CLCN6: variants seen among roughly 807,000 people sequenced by gnomAD.
CLCN6 encodes the protein H(+)/Cl(-) exchange transporter 6.
CLCN6 carries 70 observed loss-of-function variants against 109.8 expected under a neutral mutation model. That is an observed-to-expected ratio of 0.64 (90% CI 0.53 to 0.78). The LOEUF (loss-of-function observed/expected upper bound fraction) is 0.78, where lower values mean the gene tolerates loss of function less well. Among genes scored for constraint, CLCN6 ranks in the 30% least tolerant of loss-of-function variants. The pLI is 0.00. For synonymous variants in CLCN6, 444 were observed against 447.8 expected (o/e 0.99, Z 0.11); for missense variants, 984 against 1,142.3 (o/e 0.86, Z 2.00).
intron 10 of CLCN6, 98 bp from the exon 11 acceptor site, chr1:11,828,008 G>A: frequency 1.2e-6 from 1 of 851,770 alleles, no homozygotes; most frequent in Middle Eastern, 2.3e-4. Context: ...AGATTCCGGA[G>A]GTCTCTGCGT....
chr1:11,838,705 C>T (rs1190387489), intron 22 of CLCN6, 45 bp downstream of exon 22: 3 of 1,614,098 alleles, frequency 1.9e-6, no homozygotes, highest in Non-Finnish European at 2.5e-6. Context: ...GAGAGGATCC[C>T]CTAGCCAGGT....
intron 5 of CLCN6, chr1:11,820,623 T>C (rs902657606): frequency 1.3e-5 from 5 of 376,928 alleles, no homozygotes; most frequent in Non-Finnish European, 2.5e-5. Context: ...AAAAATTAGC[T>C]GGGCGTGGCG....
At chr1:11,833,750 A>G (rs549252393) in intron 14 of CLCN6, 112 bp downstream of exon 14, 4 of 1,565,718 alleles carry the variant, frequency 2.6e-6, no homozygotes, top group African/African-American at 2.7e-5. Context: ...GCCCACCCAG[A>G]CAAAAGATTG....
intron 22 of CLCN6, among the ~76,000 whole-genome samples, chr1:11,839,747 G>A (rs975115934): frequency 2.0e-5 from 3 of 152,232 alleles, no homozygotes; most frequent in East Asian, 1.9e-4. Context: ...CCACTGTAAC[G>A]ACCTGTAACA....
In CLCN6 at chr1:11,837,634, G is replaced by A. The variant is rs1170992129; in HGVS notation, c.2295+135G>A. 7.0e-6 allele frequency: 6 copies of A among 856,038 alleles called. No individual in the cohort carries two copies. In the East Asian group the frequency reaches 1.1e-4, roughly 15 times the overall value. 53.0% of individuals were successfully genotyped at this position (856,038 alleles called of 1,614,324 possible). ...CGAGAAGTGCAGAGTGGACTTAGGGGAGGAGTCGCCACAGCCGGGTGGTGA... is the reference window on the plus strand; with the variant it reads ...CGAGAAGTGCAGAGTGGACTTAGGGAAGGAGTCGCCACAGCCGGGTGGTGA... On this transcript the variant is annotated intron_variant, in intron 20 of 22. Coordinates refer to ENST00000346436, the MANE Select transcript of CLCN6 (RefSeq NM_001286.5).
chr1:11,838,556 C>T lies in CLCN6; in HGVS notation c.2425C>T (p.Pro809Ser), dbSNP rs749293199. The part of the protein sequence containing the change: ...MIVDVTPYMN[P>S]SPFTVSPNTH... ...GCAGGATGTCACCCCATACATGAAC[C>T]CTTCGCCTTTCACCGTCTCGCCCAA... The change falls in exon 22 of 23, where the codon CCT (proline) becomes TCT (serine). Residue 809 changes from proline to serine, a missense_variant. Coordinates refer to ENST00000346436, the MANE Select transcript of CLCN6 (RefSeq NM_001286.5). 2 of 1,611,300 alleles carry T rather than the reference C, an allele frequency of 1.2e-6. No homozygotes were observed. Among genetic ancestry groups the T allele is most frequent in the South Asian group, 1.1e-5 (1 of 91,010 alleles).
At position 11,838,812 on chromosome 1, in the gene CLCN6, C is replaced by T. The variant is rs551894492; in HGVS notation, c.2529+152C>T. 285 of 1,152,980 alleles carry T rather than the reference C, an allele frequency of 2.5e-4. No homozygotes were observed. The African/African-American group carries it at 2.9e-3, about 12-fold the overall frequency. The allele number at this position is 1,152,980 out of a possible 1,614,324, so 71.4% of individuals were successfully genotyped here. On this transcript the variant is annotated intron_variant, in intron 22 of 22. Transcript: ENST00000346436. ...CTAGCTTTGAACCCTGCTCGGCTTCCGTGCACTCGGGACCCTTTCCCCTGC... is the reference window on the plus strand; with the variant it reads ...CTAGCTTTGAACCCTGCTCGGCTTCTGTGCACTCGGGACCCTTTCCCCTGC...
intron 7 of CLCN6, 58 bp from the exon 8 acceptor site, chr1:11,824,425 TCTC>T: frequency 7.2e-7 from 1 of 1,379,510 alleles, no homozygotes; most frequent in Non-Finnish European, 1.0e-6. Flanking sequence ...GTAGCCAAGG[TCTC>T]CTGACCCAGG....
intron 18 of CLCN6, 91 bp from the exon 19 acceptor site, chr1:11,836,908 G>T: frequency 1.4e-6 from 2 of 1,477,106 alleles, no homozygotes; most frequent in Non-Finnish European, 1.8e-6. Context: ...ATGTGCTTCT[G>T]ACCCTCCCTG....
At chr1:11,815,805 C>T (rs775707149) in intron 2 of CLCN6, 41 bp from the exon 3 acceptor site, 2 of 1,540,968 alleles carry the variant, frequency 1.3e-6, no homozygotes, top group African/African-American at 1.4e-5. Flanking sequence ...CAGGTCTTCT[C>T]ACCTGACATG....
intron 10 of CLCN6, 134 bp from the exon 11 acceptor site, chr1:11,827,972 G>T (rs1230212836): frequency 1.1e-5 from 8 of 715,518 alleles, no homozygotes; most frequent in African/African-American, 1.8e-5. Context: ...TACTGTAAGG[G>T]TGACTAGATC....
intron 5 of CLCN6, among the ~76,000 whole-genome samples, chr1:11,820,082 C>CCTCA (rs1644722113): frequency 6.6e-6 from 1 of 152,140 alleles, no homozygotes; most frequent in Non-Finnish European, 1.5e-5. Flanking sequence ...AGAAGCTGGT[C>CCTCA]CTCACATACA....
chr1:11,832,795 C>T (rs1644897514), intron 13 of CLCN6, among the ~76,000 whole-genome samples: 2 of 152,214 alleles, frequency 1.3e-5, no homozygotes, highest in South Asian at 2.1e-4. Context: ...AATAAAACAG[C>T]ACACTTGAAA....
chr1:11,834,196 T>C lies in CLCN6; in HGVS notation c.1527-40T>C, dbSNP rs1644916493. 11 of 1,602,130 alleles carry C rather than the reference T, an allele frequency of 6.9e-6. No homozygotes were observed. The highest frequency in any genetic ancestry group is 9.4e-6 in the Non-Finnish European group (11 of 1,174,306). On this transcript the variant is annotated intron_variant, in intron 15 of 22. Transcript: ENST00000346436. The surrounding 1 kb of genome is among the most constrained non-coding windows in gnomAD (Gnocchi z 4.5). ...GTAGGTCCTCCCCACAGCCTATCAGTGTGGTTCAAAGCCATGTTCTCGGTG... is the reference window on the plus strand; with the variant it reads ...GTAGGTCCTCCCCACAGCCTATCAGCGTGGTTCAAAGCCATGTTCTCGGTG...
intron 2 of CLCN6, among the ~76,000 whole-genome samples, chr1:11,812,664 T>TTGTGTG (rs61487985): frequency 0.043 from 5,443 of 126,924 alleles, 189 homozygotes; most frequent in African/African-American, 0.086. Context: ...CAAAGTATGT[T>TTGTGTG]TGTGTGTGTG....
chr1:11,840,281 C>CG lies in CLCN6; in HGVS notation c.*61dup. On this transcript the variant is annotated 3_prime_UTR_variant, in exon 23 of 23. Transcript: ENST00000346436. ...GGGAGGCAAATCATGCTCACTCCGGCGGGCACAGCTGGCTGGGGCTGTTCC... is the reference window on the plus strand; with the variant it reads ...GGGAGGCAAATCATGCTCACTCCGGCGGGGCACAGCTGGCTGGGGCTGTTCC... 6.9e-7 allele frequency: 1 copy of CG among 1,440,978 alleles called. No homozygotes were observed. The highest frequency in any genetic ancestry group is 1.1e-5 in the South Asian group (1 of 87,838). The allele number at this position is 1,440,978 out of a possible 1,614,324, so 89.3% of individuals were successfully genotyped here.
intron 4 of CLCN6, 52 bp downstream of exon 4, chr1:11,816,732 A>G: frequency 7.1e-7 from 1 of 1,399,618 alleles, no homozygotes; most frequent in Non-Finnish European, 1.0e-6. Context: ...GGAGGGGCTT[A>G]CAGGGAAAGC....
intron 21 of CLCN6, 46 bp downstream of exon 21, chr1:11,838,488 A>C (rs751840943): frequency 8.7e-6 from 14 of 1,607,844 alleles, no homozygotes; most frequent in Non-Finnish European, 1.2e-5. Context: ...CTGCCTCTTC[A>C]TGCCGTTGGC....
rs1320616446 is a variant in CLCN6, at chr1:11,840,814, G to A, written c.*591G>A. 6.2e-6 allele frequency: 1 copy of A among 160,794 alleles called. No homozygotes were observed. Among genetic ancestry groups the A allele is most frequent in the Non-Finnish European group, 1.4e-5 (1 of 72,412 alleles). The allele number at this position is 160,794 out of a possible 1,614,324, so 10.0% of individuals were successfully genotyped here. On this transcript the variant is annotated 3_prime_UTR_variant, in exon 23 of 23. Transcript: ENST00000346436. ...CTCCTGGGTGTGAGCAGAGGCTCTG[G>A]TCTTGCCCTGTGGTTTGACTCTCCT...
Sources: allele counts gnomAD v4.1 joint callset (sites outside exome capture counted in the v4.1 genomes callset), GRCh38; gene constraint gnomAD v4.1.1; non-coding constraint Gnocchi (gnomAD v3.1); transcripts MANE v1.5; gene names NCBI Gene and HGNC (gene_info 2026-07-23, HGNC 2026-07-21).